Variants in FAT3 observed in about 807,000 individuals in gnomAD.
FAT3 encodes the protein protocadherin Fat 3.
A neutral mutation model predicts 310.2 loss-of-function variants in FAT3; 95 were observed. The observed-to-expected ratio is 0.31, with a 90% confidence interval of 0.26 to 0.36. FAT3 has a LOEUF of 0.36. FAT3 is among the 10% of genes least tolerant of loss of function. FAT3 has a pLI of 1.00. For missense variants in FAT3, 5,408 were observed against 5,715.6 expected, an observed-to-expected ratio of 0.95 and a Z score of 1.74; for synonymous variants, 2,314 against 2,192.9, an observed-to-expected ratio of 1.06 and a Z score of -1.54.
At chr11:92,821,332 A>G (rs961936229) in intron 13 of FAT3, among the ~76,000 whole-genome samples, 2 of 152,290 alleles carry the variant, frequency 1.3e-5, no homozygotes, top group African/African-American at 4.8e-5. Flanking sequence ...GTTTTGAAAG[A>G]GATTGATTCT....
chr11:92,347,544 G>T (rs1275267298), intron 1 of FAT3, among the ~76,000 whole-genome samples: 2 of 152,140 alleles, frequency 1.3e-5, no homozygotes, highest in Admixed American at 6.5e-5. Context: ...AGCAAGCATA[G>T]GTACCCTACA....
chr11:92,507,790 CAT>C (rs888278020), intron 2 of FAT3, among the ~76,000 whole-genome samples: 8 of 151,904 alleles, frequency 5.3e-5, no homozygotes, highest in Admixed American at 1.3e-4. Flanking sequence ...TCCTATATAA[CAT>C]ATGTGTATAT....
intron 2 of FAT3, among the ~76,000 whole-genome samples, chr11:92,423,981 T>C (rs1950580684): frequency 6.6e-6 from 1 of 152,210 alleles, no homozygotes. Context: ...GTGGGTCTCA[T>C]GGCCTAGCCA....
At chr11:92,333,598 A>T (rs527493185) in intron 1 of FAT3, among the ~76,000 whole-genome samples, 1 of 152,346 alleles carries the variant, frequency 6.6e-6, no homozygotes, top group African/African-American at 2.4e-5. Flanking sequence ...GTCCTGTAAC[A>T]TAATCAGAAT....
chr11:92,524,735 A>T lies in FAT3; in HGVS notation c.3394A>T (p.Ile1132Phe). 1 of 1,613,844 alleles carries T rather than the reference A, an allele frequency of 6.2e-7. No individual in the cohort carries two copies. The highest frequency in any genetic ancestry group is 8.5e-7 in the Non-Finnish European group (1 of 1,179,828). Residue 1132 changes from isoleucine to phenylalanine, a missense_variant, in exon 3 of 28, where the codon ATT becomes TTT. This residue lies in a region of FAT3 where 4,588 missense variants were observed against 4,809.8 expected (regional missense o/e 0.95). Coordinates refer to ENST00000525166, the MANE Select transcript of FAT3 (RefSeq NM_001367949.2). ...GGGCGTTGTTCCACTCTACTCCACC[A>T]TTGAGGTCTACATTGAAGTTGAAGA... Reference protein sequence around the residue: ...DRGVVPLYSTIEVYIEVEDVN... With the variant: ...DRGVVPLYSTFEVYIEVEDVN...
At chr11:92,532,558 T>C (rs997562049) in intron 3 of FAT3, among the ~76,000 whole-genome samples, 7 of 152,164 alleles carry the variant, frequency 4.6e-5, no homozygotes, top group Non-Finnish European at 1.0e-4. Context: ...ATAGAATCCA[T>C]TAGAGAAAAA....
intron 4 of FAT3, among the ~76,000 whole-genome samples, chr11:92,749,309 T>TAC (rs768046758): frequency 9.9e-5 from 15 of 151,344 alleles, no homozygotes; most frequent in Middle Eastern, 3.2e-3. Flanking sequence ...CACACACAGA[T>TAC]ACACACACAC....
At chr11:92,604,752 C>T (rs1419382156) in intron 3 of FAT3, among the ~76,000 whole-genome samples, 2 of 152,198 alleles carry the variant, frequency 1.3e-5, no homozygotes, top group African/African-American at 4.8e-5. Context: ...CTCCTCTGAG[C>T]CCCTTCCTGG....
chr11:92,598,352 A>G (rs1042338164), intron 3 of FAT3, among the ~76,000 whole-genome samples: 1 of 151,714 alleles, frequency 6.6e-6, no homozygotes, highest in African/African-American at 2.4e-5. Context: ...CAGTCTCCCA[A>G]TTAGCTGGGA....
intron 10 of FAT3, among the ~76,000 whole-genome samples, chr11:92,804,307 C>T (rs1947443358): frequency 6.6e-6 from 1 of 151,878 alleles, no homozygotes; most frequent in Non-Finnish European, 1.5e-5. Flanking sequence ...CGCCAGTGGT[C>T]TTCTCAGTCT....
intron 2 of FAT3, among the ~76,000 whole-genome samples, chr11:92,490,662 A>G (rs1008752103): frequency 6.6e-6 from 1 of 152,114 alleles, no homozygotes; most frequent in Admixed American, 6.6e-5. Flanking sequence ...TGGATGTTGC[A>G]TTGAAGGAAA....
At chr11:92,796,030 A>C (rs1056736134) in intron 9 of FAT3, among the ~76,000 whole-genome samples, 1 of 151,908 alleles carries the variant, frequency 6.6e-6, no homozygotes, top group Non-Finnish European at 1.5e-5. Context: ...TTACCTAGAA[A>C]CTCTGCAGTC....
chr11:92,271,007 T>A (rs1010685086), intron 1 of FAT3, among the ~76,000 whole-genome samples: 1 of 152,044 alleles, frequency 6.6e-6, no homozygotes. Flanking sequence ...AGGCCACTTC[T>A]CGTCATTTTT....
At chr11:92,611,457 GAAT>G (rs1260791262) in intron 3 of FAT3, among the ~76,000 whole-genome samples, 28 of 152,274 alleles carry the variant, frequency 1.8e-4, no homozygotes, top group African/African-American at 6.5e-4. Flanking sequence ...TCCCAGGCTA[GAAT>G]ACAGTGGTGT....
rs1341334583 is a variant in FAT3 at position 92,353,930 on chromosome 11, T to C, written c.1818T>C (p.Asp606=). The C allele has an allele frequency of 4.3e-6, 7 of 1,611,722 alleles. No individual in the cohort carries two copies. The East Asian group carries it at 1.3e-4, about 31-fold the overall frequency. The change falls in exon 2 of 28, where the codon GAT becomes GAC. Residue 606 remains aspartate, a synonymous_variant. Coordinates refer to ENST00000525166, the MANE Select transcript of FAT3 (RefSeq NM_001367949.2). ...CAGCAGTCTCAGCGATCGATATCGA[T>C]GAACTTGAACTTGTAAAGTACAAAA... is the stretch of plus-strand genomic sequence containing the variant. ...HITAVSAIDI[D]ELELVKYKII...
intron 19 of FAT3, among the ~76,000 whole-genome samples, chr11:92,854,781 G>A (rs777384841): frequency 3.9e-5 from 6 of 151,994 alleles, no homozygotes; most frequent in African/African-American, 2.4e-5. Context: ...ATGATTCAAG[G>A]TTTCTTTGCA....
intron 3 of FAT3, among the ~76,000 whole-genome samples, chr11:92,672,982 C>T (rs1160677577): frequency 1.3e-5 from 2 of 152,130 alleles, no homozygotes; most frequent in African/African-American, 4.8e-5. Context: ...AGTGATATTG[C>T]AGAAAGGATT....
intron 19 of FAT3, among the ~76,000 whole-genome samples, chr11:92,851,505 C>T (rs111278071): frequency 1.4e-3 from 208 of 152,246 alleles, no homozygotes; most frequent in African/African-American, 4.7e-3. Flanking sequence ...TCCAGGTCTG[C>T]GTCTATGTCA....
intron 2 of FAT3, chr11:92,366,742 T>G: frequency 3.7e-6 from 2 of 535,364 alleles, no homozygotes; most frequent in East Asian, 1.1e-4. Flanking sequence ...GGGGAGCTAT[T>G]TCTTCATTCC....
Sources: gnomAD v4.1 joint callset for allele counts (sites outside exome capture counted in the v4.1 genomes callset) on GRCh38, gnomAD v4.1.1 for gene constraint, gnomAD v4.1.1 regional missense constraint, MANE v1.5 for transcripts, NCBI Gene and HGNC (gene_info 2026-07-23, HGNC 2026-07-21) for gene names.